Variants in PLEKHA6 observed in about 807,000 individuals in gnomAD.
PLEKHA6 encodes the protein pleckstrin homology domain containing A6.
A neutral mutation model predicts 116.7 loss-of-function variants in PLEKHA6; 60 were observed. That is an observed-to-expected ratio of 0.51 (90% CI 0.42 to 0.64). The LOEUF (loss-of-function observed/expected upper bound fraction) is 0.64. Ranked by LOEUF, PLEKHA6 falls within the 30% of genes least tolerant of loss-of-function variation. The pLI, the probability that PLEKHA6 is intolerant of heterozygous loss-of-function variation, is 0.00. For synonymous variants in PLEKHA6, 489 were observed against 556.1 expected, an observed-to-expected ratio of 0.88 and a Z score of 1.70; for missense variants, 1,338 against 1,422.7, an observed-to-expected ratio of 0.94 and a Z score of 0.96.
chr1:204,269,799 T>A (rs772725712), intron 3 of PLEKHA6, among the ~76,000 whole-genome samples: 4 of 152,076 alleles, frequency 2.6e-5, no homozygotes, highest in Non-Finnish European at 5.9e-5. Context: ...CCACCGATCA[T>A]CTCCTCTCAA....
intron 1 of PLEKHA6, among the ~76,000 whole-genome samples, chr1:204,356,889 T>C (rs919635457): frequency 6.6e-6 from 1 of 152,352 alleles, no homozygotes; most frequent in African/African-American, 2.4e-5. Context: ...ACATTAATTC[T>C]ATGCCTTGGA....
rs185886569 is a variant in PLEKHA6, at chr1:204,343,452, C to T, written c.-95+16242G>A. 9.9e-5 allele frequency among the ~76,000 whole-genome samples: 15 copies of T among 152,208 alleles called. No homozygotes were observed. In the East Asian group the frequency reaches 2.5e-3, roughly 25 times the overall value. On this transcript the variant is annotated intron_variant, in intron 1 of 22. Coordinates refer to ENST00000272203, the MANE Select transcript of PLEKHA6 (RefSeq NM_014935.5). ...GCTCAGAGAGGTTAAGGATTATAAC[C>T]GGGGTCACACAGCTGGTGAGTGGGA...
At chr1:204,328,116 C>T (rs1234591011) in intron 1 of PLEKHA6, among the ~76,000 whole-genome samples, 1 of 151,496 alleles carries the variant, frequency 6.6e-6, no homozygotes, top group African/African-American at 2.4e-5. Context: ...GAGTTTCACT[C>T]TTCTTGCCCA....
intron 1 of PLEKHA6, among the ~76,000 whole-genome samples, chr1:204,376,556 A>T (rs1432210227): frequency 6.6e-6 from 1 of 152,254 alleles, no homozygotes; most frequent in African/African-American, 2.4e-5. Context: ...ACTTAGAAAC[A>T]CCAAAGAGAA....
chr1:204,267,898 A>G (rs1667011370), intron 4 of PLEKHA6, among the ~76,000 whole-genome samples: 1 of 152,124 alleles, frequency 6.6e-6, no homozygotes, highest in African/African-American at 2.4e-5. Flanking sequence ...ACCCCCCACC[A>G]TAATAAGCAG....
At chr1:204,367,118 A>G (rs891778187) in intron 3 of PLEKHA6, among the ~76,000 whole-genome samples, 5 of 152,298 alleles carry the variant, frequency 3.3e-5, no homozygotes, top group Middle Eastern at 3.4e-3. Flanking sequence ...AGGCAGAGAG[A>G]AGTGAGTTCA....
At chr1:204,271,367 C>T (rs1216033621) in intron 3 of PLEKHA6, among the ~76,000 whole-genome samples, 1 of 152,140 alleles carries the variant, frequency 6.6e-6, no homozygotes, top group Non-Finnish European at 1.5e-5. Context: ...ATAACAAGCA[C>T]TCAGCAACTG....
intron 1 of PLEKHA6, chr1:204,307,856 T>A (rs1671451611): frequency 1.0e-6 from 1 of 985,174 alleles, no homozygotes; most frequent in African/African-American, 1.7e-5. Context: ...CTCCAGCAGT[T>A]CAAGTCCAGG....
At chr1:204,316,130 CGTTG>C (rs1191954423) in intron 1 of PLEKHA6, among the ~76,000 whole-genome samples, 1 of 152,200 alleles carries the variant, frequency 6.6e-6, no homozygotes, top group African/African-American at 2.4e-5. Context: ...AATATTTTCT[CGTTG>C]ATCAATGGAT....
intron 1 of PLEKHA6, among the ~76,000 whole-genome samples, chr1:204,342,677 T>A (rs1337241770): frequency 6.6e-6 from 1 of 152,230 alleles, no homozygotes. Flanking sequence ...CCCCAGAGGT[T>A]TGTCTGTGAA....
intron 2 of PLEKHA6, among the ~76,000 whole-genome samples, chr1:204,371,129 G>A (rs1215632999): frequency 2.6e-5 from 4 of 151,864 alleles, no homozygotes; most frequent in Non-Finnish European, 5.9e-5. Flanking sequence ...TGCCACATGT[G>A]GCTCATGGCA....
At chr1:204,243,579 C>T (rs764228929) in intron 15 of PLEKHA6, among the ~76,000 whole-genome samples, 1 of 152,138 alleles carries the variant, frequency 6.6e-6, no homozygotes, top group Non-Finnish European at 1.5e-5. Flanking sequence ...TGCTTCCACC[C>T]ACTCTCCTGC....
chr1:204,246,933 A>T (rs1286197234), intron 13 of PLEKHA6, among the ~76,000 whole-genome samples: 1 of 152,142 alleles, frequency 6.6e-6, no homozygotes, highest in Non-Finnish European at 1.5e-5. Flanking sequence ...CTCAGGAGTT[A>T]GAGACCAGCC....
chr1:204,287,764 C>A (rs185688782), intron 1 of PLEKHA6, among the ~76,000 whole-genome samples: 1 of 152,116 alleles, frequency 6.6e-6, no homozygotes, highest in Non-Finnish European at 1.5e-5. Context: ...AGCTACCGAG[C>A]GCCTCTCTGG....
chr1:204,246,762 T>A (rs1663745423), intron 13 of PLEKHA6, among the ~76,000 whole-genome samples: 1 of 152,202 alleles, frequency 6.6e-6, no homozygotes, highest in Non-Finnish European at 1.5e-5. Context: ...AAAGCCTCTC[T>A]CCTATCTAAA....
intron 17 of PLEKHA6, 76 bp downstream of exon 17, chr1:204,241,299 A>G (rs1662771989): frequency 1.2e-6 from 1 of 862,202 alleles, no homozygotes; most frequent in Non-Finnish European, 1.9e-6. Flanking sequence ...CAGCAGAGGG[A>G]GATGAGTAGG....
upstream of PLEKHA6, among the ~76,000 whole-genome samples, chr1:204,361,856 T>C (rs1388810682): frequency 6.6e-6 from 1 of 151,594 alleles, no homozygotes; most frequent in Non-Finnish European, 1.5e-5. Context: ...AGGCAAGAGA[T>C]TACAGCATCC....
chr1:204,266,008 G>T (rs974703333), intron 5 of PLEKHA6, among the ~76,000 whole-genome samples: 10 of 152,310 alleles, frequency 6.6e-5, no homozygotes, highest in African/African-American at 2.4e-4. Flanking sequence ...AATTCCCTGG[G>T]ATCACTATTT....
chr1:204,266,015 A>C (rs1324171175), intron 5 of PLEKHA6, among the ~76,000 whole-genome samples: 5 of 152,132 alleles, frequency 3.3e-5, no homozygotes, highest in Admixed American at 3.3e-4. Context: ...TGGGATCACT[A>C]TTTGTTCCCC....
Sources: gnomAD v4.1 joint callset for allele counts (sites outside exome capture counted in the v4.1 genomes callset) on GRCh38, gnomAD v4.1.1 for gene constraint, MANE v1.5 for transcripts, NCBI Gene and HGNC (gene_info 2026-07-23, HGNC 2026-07-21) for gene names.